The following HCN1 variants were observed in gnomAD, a reference collection of about 807,000 sequenced individuals.
HCN1 encodes hyperpolarization activated cyclic nucleotide gated potassium channel 1, also known as potassium/sodium hyperpolarization-activated cyclic nucleotide-gated channel 1.
In HCN1, 13 loss-of-function variants were observed where a neutral mutation model predicts 78.9. The ratio of observed to expected loss-of-function variants is 0.16; its 90% CI spans 0.11 to 0.26. The LOEUF (loss-of-function observed/expected upper bound fraction) is 0.26, where lower values mean the gene tolerates loss of function less well. Among genes scored for constraint, HCN1 ranks in the 10% least tolerant of loss-of-function variants. The pLI is 1.00. For missense variants in HCN1, 810 were observed against 1,154.3 expected, an observed-to-expected ratio of 0.70 and a Z score of 4.32; for synonymous variants, 552 against 455.5, an observed-to-expected ratio of 1.21 and a Z score of -2.70.
intron 3 of HCN1, among the ~76,000 whole-genome samples, chr5:45,435,524 T>C (rs1289887181): frequency 6.6e-6 from 1 of 152,134 alleles, no homozygotes; most frequent in African/African-American, 2.4e-5. Flanking sequence ...ATATTTTTTA[T>C]TTTAGAAAAG....
intron 4 of HCN1, among the ~76,000 whole-genome samples, chr5:45,392,791 A>C (rs1295015610): frequency 6.7e-6 from 1 of 148,328 alleles, no homozygotes; most frequent in East Asian, 2.0e-4. Context: ...ATCTCAAAGA[A>C]AAAAAAAAAA....
chr5:45,593,145 C>T (rs1561213179), intron 2 of HCN1, among the ~76,000 whole-genome samples: 1 of 152,072 alleles, frequency 6.6e-6, no homozygotes, highest in Non-Finnish European at 1.5e-5. Context: ...TCTGTACATA[C>T]CTTTTCTTAT....
At chr5:45,636,992 T>C (rs1217663786) in intron 2 of HCN1, among the ~76,000 whole-genome samples, 1 of 152,214 alleles carries the variant, frequency 6.6e-6, no homozygotes, top group Non-Finnish European at 1.5e-5. Flanking sequence ...TCAATAAACT[T>C]TTTAGTTTCA....
rs555482711 is a variant in HCN1 at position 45,622,181 on chromosome 5, G to A, written c.849+23004C>T. Among the ~76,000 whole-genome samples, 30 of 152,056 alleles carry A rather than the reference G, an allele frequency of 2.0e-4. 1 individual carries two copies. In the South Asian group the frequency reaches 5.4e-3, roughly 27 times the overall value. ...AGATCGCGCCACTGCACTCCAGCCT[G>A]GGCGACAGAGGGAGACTTCGTCTTA... On this transcript the variant is annotated intron_variant, in intron 2 of 7. Coordinates refer to ENST00000303230, the MANE Select transcript of HCN1 (RefSeq NM_021072.4).
At chr5:45,432,459 C>A (rs936078184) in intron 3 of HCN1, among the ~76,000 whole-genome samples, 2 of 151,912 alleles carry the variant, frequency 1.3e-5, no homozygotes, top group African/African-American at 4.8e-5. Flanking sequence ...ACTTCTAGTA[C>A]TAGATTGCTC....
chr5:45,599,053 C>A (rs539461862), intron 2 of HCN1, among the ~76,000 whole-genome samples: 1 of 152,128 alleles, frequency 6.6e-6, no homozygotes. Flanking sequence ...ACCCGGTGAT[C>A]CCTTTATTGG....
intron 7 of HCN1, 44 bp from the exon 8 acceptor site, chr5:45,262,854 A>G (rs753521094): frequency 6.9e-6 from 11 of 1,604,494 alleles, no homozygotes; most frequent in Non-Finnish European, 9.4e-6. Context: ...CCTACCAATG[A>G]CTGATGACAA....
chr5:45,474,790 G>A (rs968073989), intron 2 of HCN1, among the ~76,000 whole-genome samples: 2 of 151,884 alleles, frequency 1.3e-5, no homozygotes, highest in Admixed American at 6.6e-5. Context: ...ATATAAACTT[G>A]TGGATGGGAA....
At chr5:45,666,042 C>G (rs1260391390) in intron 1 of HCN1, among the ~76,000 whole-genome samples, 2 of 151,974 alleles carry the variant, frequency 1.3e-5, no homozygotes, top group Non-Finnish European at 2.9e-5. Context: ...TCTCCATGCC[C>G]AATTGAGCTT....
chr5:45,446,336 C>T (rs188277031), intron 3 of HCN1, among the ~76,000 whole-genome samples: 2 of 152,092 alleles, frequency 1.3e-5, no homozygotes, highest in African/African-American at 4.8e-5. Context: ...GAAGTTTAGA[C>T]ATGAAGAATA....
chr5:45,597,474 C>A (rs1286394072), intron 2 of HCN1, among the ~76,000 whole-genome samples: 1 of 152,110 alleles, frequency 6.6e-6, no homozygotes, highest in Admixed American at 6.6e-5. Context: ...ACTAAATGGG[C>A]AAAAACTGAA....
intron 1 of HCN1, among the ~76,000 whole-genome samples, chr5:45,654,152 T>C (rs1745726770): frequency 6.6e-6 from 1 of 152,082 alleles, no homozygotes; most frequent in Non-Finnish European, 1.5e-5. Flanking sequence ...CTTTGCAGAA[T>C]CCAAACATCT....
intron 3 of HCN1, among the ~76,000 whole-genome samples, chr5:45,433,778 TGAG>T (rs1469200938): frequency 1.3e-5 from 2 of 152,178 alleles, no homozygotes; most frequent in African/African-American, 4.8e-5. Context: ...TTTTATTTCC[TGAG>T]GAGAAGCAAA....
chr5:45,487,263 T>A (rs573798982), intron 2 of HCN1, among the ~76,000 whole-genome samples: 1 of 152,242 alleles, frequency 6.6e-6, no homozygotes, highest in Non-Finnish European at 1.5e-5. Flanking sequence ...TTGTTCATAA[T>A]ATCAGACAGA....
At position 45,461,847 on chromosome 5, in the gene HCN1, A is replaced by G; in HGVS notation, c.1010T>C (p.Val337Ala). ...PDCWVSLNEM[V>A]NDSWGKQYSY... ...TGTAAAATAACAGAATTTACTTACA[A>G]CCATTTCATTTAAAGACACCCAGCA... Residue 337 changes from valine (V) to alanine (A), a missense_variant and splice_region_variant, in exon 3 of 8, where the codon GTT (valine) becomes GCT (alanine). Val to Ala is a moderately conservative substitution (Grantham distance 64). Transcript: ENST00000303230. 1 of 1,612,812 alleles carries G rather than the reference A, an allele frequency of 6.2e-7. No homozygotes were observed. Among genetic ancestry groups the G allele is most frequent in the Non-Finnish European group, 8.5e-7 (1 of 1,179,086 alleles).
chr5:45,372,373 T>C (rs1333671428), intron 4 of HCN1, among the ~76,000 whole-genome samples: 3 of 111,970 alleles, frequency 2.7e-5, no homozygotes, highest in Non-Finnish European at 4.9e-5. Flanking sequence ...ATAAAACATA[T>C]ATATTATATA....
chr5:45,535,194 A>G lies in HCN1; in HGVS notation c.850-73187T>C, dbSNP rs559478654. On this transcript the variant is annotated intron_variant, in intron 2 of 7. Coordinates refer to ENST00000303230, the MANE Select transcript of HCN1 (RefSeq NM_021072.4). The stretch of plus-strand genomic sequence containing the variant: ...CCCTCTTACATTGAAATATAAAACT[A>G]GGGACTATCTTATAACACAAACATA... Among the ~76,000 whole-genome samples the G allele has an allele frequency of 3.3e-5, 5 of 152,360 alleles. No homozygotes were observed. The South Asian group carries it at 1.0e-3, about 32-fold the overall frequency.
chr5:45,494,771 T>A (rs1426687153), intron 2 of HCN1, among the ~76,000 whole-genome samples: 1 of 152,224 alleles, frequency 6.6e-6, no homozygotes, highest in Non-Finnish European at 1.5e-5. Flanking sequence ...TGAATTAATT[T>A]TTGTCTAAGG....
intron 4 of HCN1, among the ~76,000 whole-genome samples, chr5:45,363,168 A>ATC (rs1465268639): frequency 2.2e-5 from 3 of 135,086 alleles, no homozygotes; most frequent in African/African-American, 8.2e-5. Context: ...ATATATATAT[A>ATC]TCTGAATAGT....
Sources: allele counts gnomAD v4.1 joint callset (sites outside exome capture counted in the v4.1 genomes callset), GRCh38; gene constraint gnomAD v4.1.1; transcripts MANE v1.5; gene names NCBI Gene and HGNC (gene_info 2026-07-23, HGNC 2026-07-21).